Variants in APAF1 observed in about 807,000 individuals in gnomAD.
APAF1 encodes apoptotic protease-activating factor 1.
In APAF1, 91 loss-of-function variants were observed where a neutral mutation model predicts 152.4. That is an observed-to-expected ratio of 0.60 (90% CI 0.50 to 0.71). The LOEUF is 0.71. Among genes scored for constraint, APAF1 ranks in the 30% least tolerant of loss-of-function variants. The pLI, the probability that APAF1 is intolerant of heterozygous loss-of-function variation, is 0.00. For missense variants in APAF1, 1,283 were observed against 1,472.0 expected, an observed-to-expected ratio of 0.87 and a Z score of 2.10; for synonymous variants, 484 against 494.1, an observed-to-expected ratio of 0.98 and a Z score of 0.27.
At chr12:98,698,532 T>C in intron 16 of APAF1, among the ~76,000 whole-genome samples, 1 of 152,246 alleles carries the variant, frequency 6.6e-6, no homozygotes, top group Non-Finnish European at 1.5e-5. Flanking sequence ...TAGAAAAGTT[T>C]TGGTTTTGGC....
At chr12:98,665,822 T>A in intron 8 of APAF1, 31 bp downstream of exon 8, 1 of 1,492,796 alleles carries the variant, frequency 6.7e-7, no homozygotes, top group Non-Finnish European at 9.3e-7. Flanking sequence ...CATCATTGGG[T>A]ATTTATTGCA....
At chr12:98,671,171 A>G (rs570783028) in intron 11 of APAF1, 85 bp downstream of exon 11, 1 of 894,040 alleles carries the variant, frequency 1.1e-6, no homozygotes, top group Admixed American at 2.0e-5. Flanking sequence ...GATGGGAATG[A>G]GCAGAATAGA....
At chr12:98,716,887 A>G (rs536096903) in intron 22 of APAF1, among the ~76,000 whole-genome samples, 12 of 150,978 alleles carry the variant, frequency 7.9e-5, no homozygotes, top group African/African-American at 1.9e-4. Context: ...TTTTTTTGAG[A>G]TGGAGTCTCA....
At chr12:98,662,850 A>G (rs1411278517) in intron 7 of APAF1, 44 bp downstream of exon 7, 1 of 1,575,702 alleles carries the variant, frequency 6.3e-7, no homozygotes, top group Admixed American at 1.7e-5. Context: ...AGGGAGTTAT[A>G]TAATTTCCCT....
intron 12 of APAF1, among the ~76,000 whole-genome samples, chr12:98,672,636 A>C (rs1427906743): frequency 6.6e-6 from 1 of 152,184 alleles, no homozygotes; most frequent in Non-Finnish European, 1.5e-5. Flanking sequence ...TTTCCTTATA[A>C]AAAGGAAAGG....
chr12:98,673,262 C>T (rs1448744789), intron 12 of APAF1, among the ~76,000 whole-genome samples: 1 of 151,026 alleles, frequency 6.6e-6, no homozygotes, highest in Non-Finnish European at 1.5e-5. Context: ...GGGCGGATCA[C>T]CTGAGGTCAG....
chr12:98,719,469 C>T (rs1018147398), intron 22 of APAF1, among the ~76,000 whole-genome samples: 7 of 152,084 alleles, frequency 4.6e-5, no homozygotes, highest in Non-Finnish European at 8.8e-5. Context: ...CCTGCCTCAG[C>T]CTCCTGAGTA....
At chr12:98,653,567 G>A (rs2097651603) in intron 4 of APAF1, among the ~76,000 whole-genome samples, 1 of 141,206 alleles carries the variant, frequency 7.1e-6, no homozygotes, top group Non-Finnish European at 1.5e-5. Context: ...TGAGGCATAA[G>A]AATCGCTTGA....
chr12:98,685,331 T>C (rs908140122), intron 15 of APAF1, among the ~76,000 whole-genome samples: 16 of 151,366 alleles, frequency 1.1e-4, no homozygotes, highest in African/African-American at 3.9e-4. Flanking sequence ...ATTTTATAAA[T>C]ACCCCTCCCT....
intron 4 of APAF1, among the ~76,000 whole-genome samples, chr12:98,650,297 A>G (rs565600799): frequency 6.6e-6 from 1 of 152,122 alleles, no homozygotes; most frequent in East Asian, 1.9e-4. Flanking sequence ...AGCCTGGGCA[A>G]CATGGTGAAA....
chr12:98,712,273 A>T (rs1421259980), intron 20 of APAF1, 46 bp from the exon 21 acceptor site: 1 of 1,072,030 alleles, frequency 9.3e-7, no homozygotes, highest in Non-Finnish European at 1.5e-6. Flanking sequence ...ACGAACAAAA[A>T]CTGCTCTTAC....
rs144728788 is a variant in APAF1 at position 98,662,710 on chromosome 12, G to C, written c.859G>C (p.Gly287Arg). Residue 287 changes from glycine (G) to arginine (R), a missense_variant, in exon 7 of 27, where the codon GGA (glycine) becomes CGA (arginine). Physicochemically the swap from Gly to Arg is moderately radical, Grantham distance 125. Coordinates refer to ENST00000551964, the MANE Select transcript of APAF1 (RefSeq NM_181861.2). ...TGTAGTCCCTGTGGAGAGTTCCTTA[G>C]GAAAGGAAAAAGGACTTGAAATTTT... ...KYVVPVESSL[G>R]KEKGLEILSL... The C allele has an allele frequency of 1.9e-6, 3 of 1,612,922 alleles. No individual in the cohort carries two copies. The highest frequency in any genetic ancestry group is 2.5e-6 in the Non-Finnish European group (3 of 1,179,624).
intron 4 of APAF1, among the ~76,000 whole-genome samples, chr12:98,653,488 C>G (rs1307983305): frequency 1.3e-5 from 2 of 150,022 alleles, no homozygotes; most frequent in East Asian, 2.0e-4. Flanking sequence ...GAAACCCCGT[C>G]TCTACTAAAA....
At chr12:98,647,708 T>G (rs1028476469) in intron 1 of APAF1, among the ~76,000 whole-genome samples, 4 of 149,036 alleles carry the variant, frequency 2.7e-5, no homozygotes, top group Non-Finnish European at 4.5e-5. Flanking sequence ...TGTTTCTGTT[T>G]TTTTTTTTTT....
rs776549603 is a variant in APAF1, at chr12:98,659,169, CA to C, written c.537del (p.Gly181GlufsTer16). Reference sequence around the variant, plus strand: ...TTCTTTCCCTCACTAGGTTGTTTCCCAGGGGGAGTGCATTGGGTTTCAGTTG... The same window carrying C: ...TTCTTTCCCTCACTAGGTTGTTTCCCGGGGGAGTGCATTGGGTTTCAGTTG... ...RDHSLLEGCF[P>X]GGVHWVSVGK... On this transcript the variant is annotated frameshift_variant, in exon 5 of 27. Coordinates refer to ENST00000551964, the MANE Select transcript of APAF1 (RefSeq NM_181861.2). LOFTEE classifies it high-confidence loss of function. The C allele has an allele frequency of 3.7e-6, 6 of 1,614,154 alleles. No homozygotes were observed. The highest frequency in any genetic ancestry group is 4.2e-6 in the Non-Finnish European group (5 of 1,180,016).
rs770595178 is a variant in APAF1 at position 98,648,639 on chromosome 12, A to G, written c.152A>G (p.Gln51Arg). 9.9e-6 allele frequency: 16 copies of G among 1,613,626 alleles called. No individual in the cohort carries two copies. The highest frequency in any genetic ancestry group is 1.1e-5 in the South Asian group (1 of 91,078). Residue 51 changes from glutamine (Q) to arginine (R), a missense_variant, in exon 3 of 27, where the codon CAA (glutamine) becomes CGA (arginine). By Grantham distance (43) the Gln-to-Arg change is conservative. Transcript: ENST00000551964. ...AATTTTTTTTAGCCCACTCAACAGC[A>G]AAGAGCAGCTATGCTGATTAAAATG... ...EKVRNEPTQQ[Q>R]RAAMLIKMIL...
At chr12:98,665,829 T>G (rs1427854481) in intron 8 of APAF1, 38 bp downstream of exon 8, 1 of 1,491,928 alleles carries the variant, frequency 6.7e-7, no homozygotes, top group Non-Finnish European at 9.4e-7. Context: ...GGGTATTTAT[T>G]GCATGTAAGC....
chr12:98,659,490 G>A (rs1234484309), intron 5 of APAF1, 147 bp downstream of exon 5: 20 of 892,464 alleles, frequency 2.2e-5, no homozygotes, highest in Admixed American at 1.4e-4. Context: ...AGTGGCTCAC[G>A]CCTGTAATCC....
chr12:98,695,840 T>C (rs1443791739), intron 16 of APAF1, among the ~76,000 whole-genome samples: 1 of 152,124 alleles, frequency 6.6e-6, no homozygotes, highest in Non-Finnish European at 1.5e-5. Context: ...AGGACTTAAC[T>C]TCACCTTTAT....
Sources: gnomAD v4.1 joint callset for allele counts (sites outside exome capture counted in the v4.1 genomes callset) on GRCh38, gnomAD v4.1.1 for gene constraint, MANE v1.5 for transcripts, NCBI Gene and HGNC (gene_info 2026-07-23, HGNC 2026-07-21) for gene names.